Variants in HHAT observed in about 807,000 individuals in gnomAD.
HHAT encodes the protein protein-cysteine N-palmitoyltransferase HHAT.
In HHAT, 47 loss-of-function variants were observed where a neutral mutation model predicts 70.8. The observed-to-expected ratio is 0.66, with a 90% CI of 0.53 to 0.85. The LOEUF is 0.85. Among genes scored for constraint, HHAT ranks in the 40% least tolerant of loss-of-function variants. HHAT has a pLI of 0.00. For synonymous variants in HHAT, 228 were observed against 247.6 expected, an observed-to-expected ratio of 0.92 and a Z score of 0.74; for missense variants, 609 against 604.8, an observed-to-expected ratio of 1.01 and a Z score of -0.07.
intron 5 of HHAT, 122 bp downstream of exon 5, chr1:210,400,784 T>C: frequency 1.2e-6 from 1 of 849,972 alleles, no homozygotes; most frequent in South Asian, 1.8e-5. Flanking sequence ...GGGCTCCCCA[T>C]AGTGGCCGTA....
At chr1:210,406,277 A>G (rs1284235506) in intron 6 of HHAT, among the ~76,000 whole-genome samples, 2 of 152,144 alleles carry the variant, frequency 1.3e-5, no homozygotes, top group African/African-American at 4.8e-5. Flanking sequence ...CATAAACTAA[A>G]TCCATTAGAA....
At chr1:210,397,099 TG>T (rs2091831549) in intron 4 of HHAT, among the ~76,000 whole-genome samples, 8 of 150,044 alleles carry the variant, frequency 5.3e-5, no homozygotes, top group Admixed American at 4.7e-4. Flanking sequence ...ATCCTGGTTA[TG>T]ATATTTGTGG....
At chr1:210,607,859 C>A (rs1004211048) in intron 10 of HHAT, among the ~76,000 whole-genome samples, 6 of 152,146 alleles carry the variant, frequency 3.9e-5, no homozygotes, top group African/African-American at 1.4e-4. Flanking sequence ...AACAACCACA[C>A]CCTGCTCATT....
At chr1:210,626,107 G>A (rs1019597112) in intron 11 of HHAT, among the ~76,000 whole-genome samples, 1 of 152,222 alleles carries the variant, frequency 6.6e-6, no homozygotes, top group South Asian at 2.1e-4. Context: ...AAGATTGTAT[G>A]TGAGGCCAGG....
rs2148787353 is a variant in HHAT at position 210,587,899 on chromosome 1, T to G, written c.1045T>G (p.Tyr349Asp). 1 of 1,612,440 alleles carries G rather than the reference T, an allele frequency of 6.2e-7. No homozygotes were observed. The highest frequency in any genetic ancestry group is 1.1e-5 in the South Asian group (1 of 91,050). Residue 349 changes from tyrosine (Y) to aspartate (D), a missense_variant and splice_region_variant, in exon 10 of 12, where the codon TAT becomes GAT. Coordinates refer to ENST00000261458, the MANE Select transcript of HHAT (RefSeq NM_018194.6). ...DVGLHNFLIR[Y>D]VYIPVGGSQH... ...CCTAACAGCCTCTTCTTTCTCTAGG[T>G]ATGTGTACATTCCAGTGGGCGGGTC...
At chr1:210,502,101 C>G (rs1049084086) in intron 8 of HHAT, among the ~76,000 whole-genome samples, 2 of 150,840 alleles carry the variant, frequency 1.3e-5, no homozygotes, top group African/African-American at 4.9e-5. Flanking sequence ...TTAAATCTTT[C>G]CGGCCAGGCA....
At chr1:210,556,481 A>G (rs1255936270) in intron 9 of HHAT, among the ~76,000 whole-genome samples, 1 of 152,166 alleles carries the variant, frequency 6.6e-6, no homozygotes, top group African/African-American at 2.4e-5. Context: ...TGCTCACCTG[A>G]ACCCCAGGGG....
intron 2 of HHAT, among the ~76,000 whole-genome samples, chr1:210,358,912 A>T (rs2087947245): frequency 1.3e-5 from 2 of 152,264 alleles, no homozygotes; most frequent in Admixed American, 1.3e-4. Flanking sequence ...GCTCATTGGC[A>T]GCGATTAAAA....
At chr1:210,456,682 T>A (rs147342657) in intron 7 of HHAT, among the ~76,000 whole-genome samples, 11 of 152,210 alleles carry the variant, frequency 7.2e-5, no homozygotes, top group African/African-American at 2.7e-4. Flanking sequence ...AGCAGGCCAA[T>A]GACACTGTTG....
chr1:210,540,439 C>T (rs1299998888), intron 9 of HHAT, among the ~76,000 whole-genome samples: 1 of 93,008 alleles, frequency 1.1e-5, no homozygotes, highest in Non-Finnish European at 2.2e-5. Flanking sequence ...AGATTTTTTC[C>T]CTCTTACACA....
intron 1 of HHAT, among the ~76,000 whole-genome samples, chr1:210,330,259 T>C (rs2084873381): frequency 6.6e-6 from 1 of 152,308 alleles, no homozygotes; most frequent in South Asian, 2.1e-4. Context: ...TAATTGTGAT[T>C]GTTTGATAAG....
chr1:210,534,608 A>C (rs1402006449), intron 9 of HHAT, among the ~76,000 whole-genome samples: 1 of 152,284 alleles, frequency 6.6e-6, no homozygotes, highest in South Asian at 2.1e-4. Context: ...CATGAAATTC[A>C]TTTATGTTTA....
chr1:210,579,653 C>T (rs1012212284), intron 9 of HHAT, among the ~76,000 whole-genome samples: 4 of 152,106 alleles, frequency 2.6e-5, no homozygotes, highest in African/African-American at 4.8e-5. Flanking sequence ...TTGACAAGTT[C>T]GAGGTTACAG....
chr1:210,596,227 A>T (rs1238467191), intron 10 of HHAT, among the ~76,000 whole-genome samples: 8 of 152,130 alleles, frequency 5.3e-5, no homozygotes, highest in Non-Finnish European at 4.4e-5. Context: ...TAAATAGGGA[A>T]TCGTTTCCCC....
intron 9 of HHAT, among the ~76,000 whole-genome samples, chr1:210,516,732 T>A (rs2095063305): frequency 7.0e-6 from 1 of 143,790 alleles, no homozygotes; most frequent in Non-Finnish European, 1.5e-5. Context: ...GCTTAGTGTT[T>A]GGCATAAAAA....
intron 9 of HHAT, among the ~76,000 whole-genome samples, chr1:210,586,808 A>AG (rs1474675293): frequency 6.6e-6 from 1 of 152,216 alleles, no homozygotes; most frequent in Non-Finnish European, 1.5e-5. Context: ...AGGTCCTAAC[A>AG]GCTCAAGGTG....
chr1:210,661,744 C>A (rs1441730031), intron 11 of HHAT, among the ~76,000 whole-genome samples: 1 of 152,192 alleles, frequency 6.6e-6, no homozygotes, highest in Non-Finnish European at 1.5e-5. Context: ...AGTTCATGTC[C>A]TTTGTAGGGA....
rs1195366668 is a variant in HHAT, at chr1:210,329,006, C to T, written c.-142C>T. 2 of 1,384,152 alleles carry T rather than the reference C, an allele frequency of 1.4e-6. No individual in the cohort carries two copies. The highest frequency in any genetic ancestry group is 6.2e-5 in the East Asian group (2 of 32,508). 85.7% of individuals were successfully genotyped at this position (1,384,152 alleles called of 1,614,324 possible). A position where few individuals can be genotyped will look rare whatever the true frequency, so the allele number is the denominator to read the frequency against. ...GCGTCCCGGGGAAGCCCGCAGCCGC[C>T]GCCGATGTCGCTGGGACTCGGAAGT... On this transcript the variant is annotated 5_prime_UTR_variant, in exon 1 of 12. Coordinates refer to ENST00000261458, the MANE Select transcript of HHAT (RefSeq NM_018194.6).
At chr1:210,600,543 T>C (rs1276489026) in intron 10 of HHAT, among the ~76,000 whole-genome samples, 1 of 152,150 alleles carries the variant, frequency 6.6e-6, no homozygotes, top group Non-Finnish European at 1.5e-5. Context: ...CCTGGTAGCC[T>C]GCTGCTTTAT....
Sources: gnomAD v4.1 joint callset for allele counts (sites outside exome capture counted in the v4.1 genomes callset) on GRCh38, gnomAD v4.1.1 for gene constraint, MANE v1.5 for transcripts, NCBI Gene and HGNC (gene_info 2026-07-23, HGNC 2026-07-21) for gene names.